GTF2I: variants seen among roughly 807,000 people sequenced by gnomAD.
GTF2I encodes general transcription factor II-I.
In GTF2I, 12 loss-of-function variants were observed where a neutral mutation model predicts 67.6. The observed-to-expected ratio is 0.18, with a 90% CI of 0.11 to 0.29. GTF2I has a LOEUF of 0.29. Ranked by LOEUF, GTF2I falls within the 10% of genes least tolerant of loss-of-function variation. The pLI is 1.00. For missense variants in GTF2I, 271 were observed against 580.1 expected, an observed-to-expected ratio of 0.47 and a Z score of 5.47; for synonymous variants, 149 against 197.0, an observed-to-expected ratio of 0.76 and a Z score of 2.04.
Position 74,700,232 on chromosome 7 carries a change from T to C in GTF2I, c.374-15T>C. The C allele has an allele frequency of 6.2e-7, 1 of 1,611,802 alleles. No homozygotes were observed. The highest frequency in any genetic ancestry group is 1.1e-5 in the South Asian group (1 of 90,946). On this transcript the variant is annotated splice_polypyrimidine_tract_variant and intron_variant, in intron 4 of 34. Coordinates refer to ENST00000573035, the MANE Select transcript of GTF2I (RefSeq NM_032999.4). ...TACCATTGAATGATGTTCATCCGCT[T>C]TTCATCTGCCCCAGGGAAAGCTTTA...
intron 3 of GTF2I, among the ~76,000 whole-genome samples, chr7:74,692,062 C>G (rs1425887954): frequency 2.0e-5 from 3 of 151,008 alleles, no homozygotes; most frequent in Admixed American, 1.3e-4. Context: ...CAGGCATGAG[C>G]CACCACTCTC....
chr7:74,699,082 C>T lies in GTF2I; in HGVS notation c.360C>T (p.Phe120=). ...TCAGAAAAACAGTTGAGGACTATTT[C>T]TGCTTTTGCTATGGTAAAAACAATA... is the stretch of plus-strand genomic sequence containing the variant. The part of the protein sequence containing the change: ...ETLRKTVEDY[F]CFCYGKALGK... Residue 120 remains phenylalanine (F), a synonymous_variant, in exon 4 of 35, where the codon TTC becomes TTT. Transcript: ENST00000573035. The T allele has an allele frequency of 6.6e-7, 1 of 1,508,528 alleles. No individual in the cohort carries two copies. The highest frequency in any genetic ancestry group is 8.9e-7 in the Non-Finnish European group (1 of 1,124,344). The allele number at this position is 1,508,528 out of a possible 1,614,324, so 93.4% of individuals were successfully genotyped here.
In GTF2I at chr7:74,658,543, G is replaced by C. The variant is rs587604469; in HGVS notation, c.-6+475G>C. ...CGCGCGGTGCCAGGCCCGAGCCGTC[G>C]TGGGGTCGCGCTCGCCTGGTGTATC... On this transcript the variant is annotated intron_variant, in intron 1 of 34. Coordinates refer to ENST00000573035, the MANE Select transcript of GTF2I (RefSeq NM_032999.4). Among the ~76,000 whole-genome samples, 856 of 150,100 alleles carry C rather than the reference G, an allele frequency of 5.7e-3. 10 individuals are homozygous for C. The highest frequency in any genetic ancestry group is 0.02 in the African/African-American group (813 of 41,172).
At position 74,705,230 on chromosome 7, in the gene GTF2I, T is replaced by C; in HGVS notation, c.641+12T>C. 6.6e-7 allele frequency: 1 copy of C among 1,514,210 alleles called. No individual in the cohort carries two copies. Among genetic ancestry groups the C allele is most frequent in the Non-Finnish European group, 9.2e-7 (1 of 1,089,396 alleles). The allele number at this position is 1,514,210 out of a possible 1,614,324, so 93.8% of individuals were successfully genotyped here. A position where few individuals can be genotyped will look rare whatever the true frequency, so the allele number is the denominator to read the frequency against. On this transcript the variant is annotated intron_variant, in intron 7 of 34. Coordinates refer to ENST00000573035, the MANE Select transcript of GTF2I (RefSeq NM_032999.4). ...TCTCCAGGTGGAAGGTAAAACCTAA[T>C]TTCATTACTGCTGTTTAACTCCCAC...
intron 1 of GTF2I, among the ~76,000 whole-genome samples, chr7:74,676,212 A>G (rs1805893779): frequency 6.6e-6 from 1 of 152,194 alleles, no homozygotes; most frequent in Admixed American, 6.6e-5. Context: ...TCGACCATTT[A>G]TAATAAACTT....
At chr7:74,672,369 C>T (rs1554390968) in intron 1 of GTF2I, among the ~76,000 whole-genome samples, 1 of 151,848 alleles carries the variant, frequency 6.6e-6, no homozygotes, top group Admixed American at 6.6e-5. Context: ...GGTGAAACCC[C>T]GTCTCTACTA....
chr7:74,684,979 C>A (rs1414666168), intron 1 of GTF2I: 1 of 152,200 alleles, frequency 6.6e-6, no homozygotes, highest in Non-Finnish European at 1.5e-5. Context: ...TGGGGTTTAA[C>A]TACTTTCTGG....
chr7:74,717,739 T>TA (rs55730292), intron 11 of GTF2I, among the ~76,000 whole-genome samples: 1,718 of 151,692 alleles, frequency 0.011, 16 homozygotes, highest in African/African-American at 0.02. Context: ...TTATTTTAAT[T>TA]AAAAAAAAAC....
chr7:74,697,389 G>A (rs1023680645), intron 3 of GTF2I, among the ~76,000 whole-genome samples: 4 of 151,704 alleles, frequency 2.6e-5, no homozygotes, highest in East Asian at 1.9e-4. Flanking sequence ...GCAAGACTCC[G>A]TCTCCAGAAA....
chr7:74,695,929 C>T (rs1554398240), intron 3 of GTF2I, among the ~76,000 whole-genome samples: 3 of 152,044 alleles, frequency 2.0e-5, no homozygotes, highest in African/African-American at 4.8e-5. Flanking sequence ...GCATTAAGGG[C>T]GCTGTCCTCA....
At chr7:74,685,767 A>T (rs1787661507) in intron 1 of GTF2I, among the ~76,000 whole-genome samples, 1 of 151,846 alleles carries the variant, frequency 6.6e-6, no homozygotes, top group African/African-American at 2.4e-5. Context: ...ACTCCGTCTT[A>T]AAAAAAGAAA....
chr7:74,711,002 G>A (rs1232810391), intron 8 of GTF2I, 30 bp from the exon 9 acceptor site: 18 of 1,153,194 alleles, frequency 1.6e-5, no homozygotes, highest in Non-Finnish European at 1.9e-5. Context: ...GTTCTCACAT[G>A]CAATCATATC....
At chr7:74,721,784 A>C (rs1163264092) in intron 12 of GTF2I, among the ~76,000 whole-genome samples, 1 of 152,104 alleles carries the variant, frequency 6.6e-6, no homozygotes, top group Admixed American at 6.6e-5. Flanking sequence ...ACAGAAAAAT[A>C]TATAGCCATT....
chr7:74,692,586 T>C (rs1554397322), intron 3 of GTF2I, among the ~76,000 whole-genome samples: 1 of 152,228 alleles, frequency 6.6e-6, no homozygotes, highest in Non-Finnish European at 1.5e-5. Context: ...TATAGGGTTT[T>C]AATACCCACA....
intron 1 of GTF2I, among the ~76,000 whole-genome samples, chr7:74,662,301 C>A (rs985364433): frequency 6.7e-6 from 1 of 149,758 alleles, no homozygotes; most frequent in East Asian, 1.9e-4. Flanking sequence ...CTTACGCCCC[C>A]CCAGGGTCAA....
intron 1 of GTF2I, among the ~76,000 whole-genome samples, chr7:74,686,235 T>C (rs1584129351): frequency 6.6e-6 from 1 of 152,144 alleles, no homozygotes; most frequent in African/African-American, 2.4e-5. Flanking sequence ...TAGCCTCCCA[T>C]CCTTTTGTTA....
chr7:74,680,099 A>AAAAAAATATATATATATATAT, intron 1 of GTF2I, among the ~76,000 whole-genome samples: 1 of 94,996 alleles, frequency 1.1e-5, no homozygotes, highest in Admixed American at 1.3e-4. Flanking sequence ...AAAAAAAAAA[A>AAAAAAATATATATATATATAT]ATATATATAT....
intron 1 of GTF2I, among the ~76,000 whole-genome samples, chr7:74,680,099 A>AAAAAAAAATATAT: frequency 6.3e-5 from 6 of 94,998 alleles, no homozygotes; most frequent in African/African-American, 2.4e-4. Flanking sequence ...AAAAAAAAAA[A>AAAAAAAAATATAT]ATATATATAT....
chr7:74,723,983 A>G (rs1399849270), intron 12 of GTF2I, among the ~76,000 whole-genome samples: 2 of 152,198 alleles, frequency 1.3e-5, no homozygotes, highest in Non-Finnish European at 2.9e-5. Context: ...AGGGGAGATA[A>G]GAAGTTGTTG....
Sources: gnomAD v4.1 joint callset for allele counts (sites outside exome capture counted in the v4.1 genomes callset) on GRCh38, gnomAD v4.1.1 for gene constraint, MANE v1.5 for transcripts, NCBI Gene and HGNC (gene_info 2026-07-23, HGNC 2026-07-21) for gene names.